The following BRWD3 variants were observed in gnomAD, a reference collection of about 807,000 sequenced individuals.
The protein encoded by BRWD3 is bromodomain and WD repeat domain containing 3, also known as bromodomain and WD repeat-containing protein 3.
Under a neutral mutation model 149.7 loss-of-function variants are expected in BRWD3, and 10 were observed. That is an observed-to-expected ratio of 0.07 (90% CI 0.04 to 0.11). BRWD3 has a LOEUF of 0.11. BRWD3 is among the 10% of genes least tolerant of loss of function. The pLI is 1.00. For missense variants in BRWD3, 940 were observed against 1,373.2 expected (o/e 0.68, Z 4.99); for synonymous variants, 504 against 456.7 (o/e 1.10, Z -1.32).
At chrX:80,716,628 C>A (rs1333847813) in intron 19 of BRWD3, among the ~76,000 whole-genome samples, 1 of 112,048 alleles carries the variant, frequency 8.9e-6, no homozygotes, top group Non-Finnish European at 1.9e-5. Flanking sequence ...TGTTTATCCA[C>A]GTTGTAGCAG....
chrX:80,744,178 CAG>C lies in BRWD3; in HGVS notation c.665_666del (p.Ser222CysfsTer2). 1 of 1,211,373 alleles carries C rather than the reference CAG, an allele frequency of 8.3e-7. No homozygotes were observed. Among genetic ancestry groups the C allele is most frequent in the Non-Finnish European group, 1.1e-6 (1 of 895,253 alleles). ...GRLLATLRGH[S>X]AEISDMAVNY... ...TTAACAGCCATGTCAGAAATTTCAG[CAG>C]AGTGTCCACGAAGTGTAGCAAGAAG... On this transcript the variant is annotated frameshift_variant, in exon 8 of 41. Transcript: ENST00000373275. LOFTEE classifies it high-confidence loss of function.
At chrX:80,785,918 T>C (rs2074103049) in intron 6 of BRWD3, among the ~76,000 whole-genome samples, 2 of 111,694 alleles carry the variant, frequency 1.8e-5, no homozygotes. Context: ...TAATCCCAGT[T>C]ACTTGGGAGG....
chrX:80,738,519 T>C (rs1372236947), intron 8 of BRWD3, among the ~76,000 whole-genome samples: 1 of 107,063 alleles, frequency 9.3e-6, no homozygotes, highest in African/African-American at 3.4e-5. Context: ...ACACAGCCAA[T>C]ACACAAATAA....
chrX:80,751,416 GAGA>G (rs1171488280), intron 6 of BRWD3, among the ~76,000 whole-genome samples: 3 of 111,283 alleles, frequency 2.7e-5, no homozygotes, highest in East Asian at 2.8e-4. Context: ...CAAACAAAAA[GAGA>G]AGGACAGCAA....
At chrX:80,747,369 A>T (rs1315921501) in intron 6 of BRWD3, among the ~76,000 whole-genome samples, 1 of 109,634 alleles carries the variant, frequency 9.1e-6, no homozygotes, top group Non-Finnish European at 1.9e-5. Flanking sequence ...TCCCCACTAC[A>T]TGCTAGTAGG....
At chrX:80,795,738 C>T (rs2074232077) in intron 4 of BRWD3, among the ~76,000 whole-genome samples, 1 of 108,746 alleles carries the variant, frequency 9.2e-6, no homozygotes. Flanking sequence ...AAAATTATGG[C>T]TCTGAATGAA....
rs151030815 is a variant in BRWD3, at chrX:80,689,639, C to T, written c.3807+129G>A. On this transcript the variant is annotated intron_variant, in intron 33 of 40. Coordinates refer to ENST00000373275, the MANE Select transcript of BRWD3 (RefSeq NM_153252.5). The stretch of plus-strand genomic sequence containing the variant: ...TGCCATCTAAGTACACTTTAAAAGA[C>T]GCTGGTATTCAGCCAGATTTCAAAA... 0.028 allele frequency: 15,218 copies of T among 551,314 alleles called. 196 individuals carry two copies. Among genetic ancestry groups the T allele is most frequent in the Non-Finnish European group, 0.035 (11,641 of 330,834 alleles). The allele number at this position is 551,314 out of a possible 1,213,427, so 45.4% of individuals were successfully genotyped here. A position where few individuals can be genotyped will look rare whatever the true frequency, so the allele number is the denominator to read the frequency against.
At chrX:80,796,659 T>C (rs186252963) in intron 4 of BRWD3, among the ~76,000 whole-genome samples, 4 of 111,866 alleles carry the variant, frequency 3.6e-5, no homozygotes, top group South Asian at 7.4e-4. Context: ...ACCAAAATAA[T>C]TGAAGCCTGT....
chrX:80,693,375 T>C (rs763316217), intron 27 of BRWD3, among the ~76,000 whole-genome samples: 1 of 112,210 alleles, frequency 8.9e-6, no homozygotes, highest in Non-Finnish European at 1.9e-5. Flanking sequence ...ATAAATGCAG[T>C]TGATTCTTCT....
chrX:80,689,095 T>C (rs776315283), intron 33 of BRWD3, among the ~76,000 whole-genome samples: 2 of 111,516 alleles, frequency 1.8e-5, no homozygotes, highest in African/African-American at 3.2e-5. Context: ...ATCTAGCATA[T>C]GTGAGTCACT....
intron 20 of BRWD3, among the ~76,000 whole-genome samples, chrX:80,714,444 G>A: frequency 9.1e-6 from 1 of 109,491 alleles, no homozygotes; most frequent in Non-Finnish European, 1.9e-5. Flanking sequence ...TTCATTCCAG[G>A]TCTTTAGATA....
intron 20 of BRWD3, among the ~76,000 whole-genome samples, chrX:80,712,553 C>T (rs2072992114): frequency 9.0e-6 from 1 of 111,152 alleles, no homozygotes; most frequent in Non-Finnish European, 1.9e-5. Flanking sequence ...GAGATTGCAG[C>T]CTCTGCCCGG....
intron 37 of BRWD3, among the ~76,000 whole-genome samples, chrX:80,682,864 GA>G (rs1425260484): frequency 8.9e-6 from 1 of 111,736 alleles, no homozygotes; most frequent in Non-Finnish European, 1.9e-5. Flanking sequence ...ATGCAAGAGA[GA>G]ATGTAAACTG....
rs1165164452 is a variant in BRWD3, at chrX:80,809,300, C to G, written c.36G>C (p.Leu12=). 1 of 1,193,771 alleles carries G rather than the reference C, an allele frequency of 8.4e-7. No homozygotes were observed. The highest frequency in any genetic ancestry group is 2.3e-5 in the Admixed American group (1 of 43,539). The change falls in exon 2 of 41, where the codon CTG becomes CTC. Residue 12 remains leucine, a synonymous_variant. Transcript: ENST00000373275. ...AAAPTQIEAE[L]YYLIARFLQS... Reference sequence around the variant, plus strand: ...GCAAGAACCTAGCGATCAGGTAATACAGCTCTGGGGAAGAGGGGGGAAAAG... The same window carrying G: ...GCAAGAACCTAGCGATCAGGTAATAGAGCTCTGGGGAAGAGGGGGGAAAAG...
At chrX:80,699,768 T>C (rs2072754993) in intron 25 of BRWD3, among the ~76,000 whole-genome samples, 189 bp downstream of exon 25, 2 of 111,918 alleles carry the variant, frequency 1.8e-5, no homozygotes, top group African/African-American at 3.2e-5. Context: ...GAAAATAGCA[T>C]ACAAATTTTG....
intron 38 of BRWD3, 132 bp from the exon 39 acceptor site, chrX:80,682,226 T>A: frequency 1.6e-6 from 1 of 620,526 alleles, no homozygotes; most frequent in Non-Finnish European, 2.5e-6. Context: ...CTAAAATTCA[T>A]GAAATAGATA....
intron 4 of BRWD3, among the ~76,000 whole-genome samples, chrX:80,805,100 CT>C (rs2074336844): frequency 9.0e-6 from 1 of 111,648 alleles, no homozygotes; most frequent in African/African-American, 3.3e-5. Flanking sequence ...AGCACCTTCC[CT>C]TGTGTTCAAA....
At chrX:80,791,692 T>C (rs1402036996) in intron 6 of BRWD3, among the ~76,000 whole-genome samples, 162 bp downstream of exon 6, 1 of 112,273 alleles carries the variant, frequency 8.9e-6, no homozygotes, top group Non-Finnish European at 1.9e-5. Context: ...TTGCTTTAAG[T>C]AAAAATGTTT....
chrX:80,676,447 G>C lies in BRWD3; in HGVS notation c.*162C>G. 1 of 629,831 alleles carries C rather than the reference G, an allele frequency of 1.6e-6. No homozygotes were observed. The highest frequency in any genetic ancestry group is 3.6e-5 in the Admixed American group (1 of 27,648). 51.9% of individuals were successfully genotyped at this position (629,831 alleles called of 1,213,427 possible). ...GGCTTATTTGAACAAATGAAGTGTG[G>C]AGATCAAAAGTCTTGAAACAAATGT... On this transcript the variant is annotated 3_prime_UTR_variant, in exon 41 of 41. Transcript: ENST00000373275.
Sources: gnomAD v4.1 joint callset for allele counts (sites outside exome capture counted in the v4.1 genomes callset) on GRCh38, gnomAD v4.1.1 for gene constraint, MANE v1.5 for transcripts, NCBI Gene and HGNC (gene_info 2026-07-23, HGNC 2026-07-21) for gene names.